PAK2: variants seen among roughly 807,000 people sequenced by gnomAD.
PAK2 encodes the protein serine/threonine-protein kinase PAK 2.
Under a neutral mutation model 65.9 loss-of-function variants are expected in PAK2, and 21 were observed. The observed-to-expected ratio is 0.32, with a 90% CI of 0.23 to 0.46. PAK2 has a LOEUF of 0.46. Among genes scored for constraint, PAK2 ranks in the 20% least tolerant of loss-of-function variants. The pLI is 1.00. For synonymous variants in PAK2, 204 were observed against 219.7 expected, an observed-to-expected ratio of 0.93 and a Z score of 0.63; for missense variants, 324 against 642.6, an observed-to-expected ratio of 0.50 and a Z score of 5.36.
intron 2 of PAK2, among the ~76,000 whole-genome samples, chr3:196,784,006 A>G (rs186186291): frequency 2.6e-5 from 4 of 152,246 alleles, no homozygotes; most frequent in Admixed American, 1.3e-4. Context: ...TAGTGTTGCT[A>G]TGGATAATGT....
chr3:196,802,080 A>G, intron 3 of PAK2, 53 bp downstream of exon 3: 1 of 891,256 alleles, frequency 1.1e-6, no homozygotes, highest in East Asian at 2.5e-5. Flanking sequence ...GCACTCAAAC[A>G]TTTTCCTTCA....
rs1711959346 is a variant in PAK2, at chr3:196,828,518, G to A, written c.*113G>A. 1.4e-6 allele frequency: 1 copy of A among 715,582 alleles called. No individual in the cohort carries two copies. The allele number at this position is 715,582 out of a possible 1,614,324, so 44.3% of individuals were successfully genotyped here. ...AAGAAATGGTCTGCATAACCTGAAT[G>A]AAAGAAGCAAATGACTATTCTCTGA... On this transcript the variant is annotated 3_prime_UTR_variant, in exon 15 of 15. Transcript: ENST00000327134.
chr3:196,782,179 G>C (rs1378150397), intron 1 of PAK2, among the ~76,000 whole-genome samples: 3 of 151,962 alleles, frequency 2.0e-5, no homozygotes, highest in African/African-American at 7.3e-5. Flanking sequence ...AGTGAAATCA[G>C]ATTGGAGGGG....
chr3:196,832,070 AAAG>A lies in PAK2; in HGVS notation c.*3672_*3674del, dbSNP rs1174361944. On this transcript the variant is annotated 3_prime_UTR_variant, in exon 15 of 15. Transcript: ENST00000327134. The stretch of plus-strand genomic sequence containing the variant: ...CTGTGGTGGATGAGGTTGGAGTTCG[AAAG>A]AAGAAGCAAGCGCTGGCCTGGCCTT... 1 of 152,222 alleles carries A rather than the reference AAAG, an allele frequency of 6.6e-6. No individual in the cohort carries two copies. Among genetic ancestry groups the A allele is most frequent in the Non-Finnish European group, 1.5e-5 (1 of 68,044 alleles). 9.4% of individuals were successfully genotyped at this position (152,222 alleles called of 1,614,324 possible).
intron 1 of PAK2, among the ~76,000 whole-genome samples, chr3:196,741,830 G>A (rs1400563204): frequency 6.6e-6 from 1 of 151,572 alleles, no homozygotes; most frequent in African/African-American, 2.4e-5. Context: ...AACTTGGTCT[G>A]TAGATGTTGG....
chr3:196,763,239 T>C (rs1029587381), intron 1 of PAK2, among the ~76,000 whole-genome samples: 3 of 152,170 alleles, frequency 2.0e-5, no homozygotes, highest in African/African-American at 7.2e-5. Flanking sequence ...AGGAGAATTA[T>C]TAACTCTGAT....
chr3:196,758,434 TC>T (rs1188532855), intron 1 of PAK2, among the ~76,000 whole-genome samples: 1 of 152,202 alleles, frequency 6.6e-6, no homozygotes, highest in African/African-American at 2.4e-5. Context: ...GCACGACACG[TC>T]CCGTGTCCGG....
At chr3:196,779,280 C>G (rs1391081602) in intron 1 of PAK2, among the ~76,000 whole-genome samples, 2 of 152,142 alleles carry the variant, frequency 1.3e-5, no homozygotes, top group African/African-American at 2.4e-5. Context: ...CTAATTTGCT[C>G]AAATCATCCC....
At chr3:196,758,414 C>G (rs917043239) in intron 1 of PAK2, among the ~76,000 whole-genome samples, 1 of 152,196 alleles carries the variant, frequency 6.6e-6, no homozygotes, top group Admixed American at 6.5e-5. Context: ...CCACGGCTTT[C>G]CTGGTTTTAG....
chr3:196,803,692 A>G (rs1261608395), intron 4 of PAK2, among the ~76,000 whole-genome samples: 1 of 152,234 alleles, frequency 6.6e-6, no homozygotes, highest in African/African-American at 2.4e-5. Flanking sequence ...AAAAGGATTT[A>G]TACCTCAGAA....
intron 1 of PAK2, among the ~76,000 whole-genome samples, chr3:196,770,496 A>G (rs879679069): frequency 3.3e-5 from 5 of 151,940 alleles, no homozygotes; most frequent in Admixed American, 6.6e-5. Flanking sequence ...GTGAGTAGCC[A>G]CTGTGCTCCA....
intron 13 of PAK2, among the ~76,000 whole-genome samples, chr3:196,822,251 AC>A (rs1176381489): frequency 6.6e-6 from 1 of 152,242 alleles, no homozygotes; most frequent in African/African-American, 2.4e-5. Context: ...AAAAGAACCC[AC>A]AAAAATTCCT....
At position 196,830,267 on chromosome 3, in the gene PAK2, A is replaced by G. The variant is rs1381009168; in HGVS notation, c.*1862A>G. ...TAATGAAACATATTTAGAGCACTTA[A>G]TGGTCTCTGTTTTCAATATAATTCT... On this transcript the variant is annotated 3_prime_UTR_variant, in exon 15 of 15. Coordinates refer to ENST00000327134, the MANE Select transcript of PAK2 (RefSeq NM_002577.4). 1 of 152,144 alleles carries G rather than the reference A, an allele frequency of 6.6e-6. No individual in the cohort carries two copies. The highest frequency in any genetic ancestry group is 1.5e-5 in the Non-Finnish European group (1 of 68,022). 9.4% of individuals were successfully genotyped at this position (152,144 alleles called of 1,614,324 possible). A position where few individuals can be genotyped will look rare whatever the true frequency, so the allele number is the denominator to read the frequency against.
chr3:196,755,176 T>G (rs976498981), intron 1 of PAK2, among the ~76,000 whole-genome samples: 1 of 152,208 alleles, frequency 6.6e-6, no homozygotes, highest in Non-Finnish European at 1.5e-5. Flanking sequence ...CCTGTTCCAA[T>G]TTTTTGAAAC....
rs1443059130 is a variant in PAK2 at position 196,803,178 on chromosome 3, A to G, written c.436+14A>G. 6.3e-7 allele frequency: 1 copy of G among 1,584,098 alleles called. No individual in the cohort carries two copies. The highest frequency in any genetic ancestry group is 1.9e-5 in the Admixed American group (1 of 53,146). ...TTACTCCTCCTGGTAAGAGAGTGGC[A>G]TAAGGCTGGATCAGATGGAGATTTG... On this transcript the variant is annotated intron_variant, in intron 4 of 14. Coordinates refer to ENST00000327134, the MANE Select transcript of PAK2 (RefSeq NM_002577.4).
intron 1 of PAK2, among the ~76,000 whole-genome samples, chr3:196,754,450 A>G (rs1434080553): frequency 1.3e-5 from 2 of 152,176 alleles, no homozygotes; most frequent in African/African-American, 4.8e-5. Flanking sequence ...AGGGATAAAT[A>G]CACAGCTCCC....
At chr3:196,753,319 C>T (rs1713668614) in intron 1 of PAK2, among the ~76,000 whole-genome samples, 1 of 151,862 alleles carries the variant, frequency 6.6e-6, no homozygotes, top group East Asian at 1.9e-4. Context: ...TGCAGTGGTG[C>T]AACCTCAGCT....
chr3:196,746,565 A>G (rs577956221), intron 1 of PAK2, among the ~76,000 whole-genome samples: 45 of 152,268 alleles, frequency 3.0e-4, no homozygotes, highest in African/African-American at 1.0e-3. Flanking sequence ...TTATCCCAGC[A>G]CTTTGGGAGG....
intron 1 of PAK2, among the ~76,000 whole-genome samples, chr3:196,773,435 A>C (rs1031333175): frequency 1.3e-4 from 20 of 152,206 alleles, no homozygotes; most frequent in Non-Finnish European, 2.8e-4. Flanking sequence ...CACTGTCAGA[A>C]GTAGCAATTC....
Sources: allele counts gnomAD v4.1 joint callset (sites outside exome capture counted in the v4.1 genomes callset), GRCh38; gene constraint gnomAD v4.1.1; transcripts MANE v1.5; gene names NCBI Gene and HGNC (gene_info 2026-07-23, HGNC 2026-07-21).